Variants in MACROD2 observed in about 807,000 individuals in gnomAD.
The protein encoded by MACROD2 is ADP-ribose glycohydrolase MACROD2.
In MACROD2, 36 loss-of-function variants were observed where a neutral mutation model predicts 70.4. The ratio of observed to expected loss-of-function variants is 0.51; its 90% CI spans 0.39 to 0.68. The LOEUF (loss-of-function observed/expected upper bound fraction) is 0.68. Ranked by LOEUF, MACROD2 falls within the 30% of genes least tolerant of loss-of-function variation. The probability of loss-of-function intolerance (pLI) is 0.00; values close to 1 mark genes in which losing one functional copy is unlikely to be tolerated. For synonymous variants in MACROD2, 172 were observed against 178.8 expected (o/e 0.96, Z 0.30); for missense variants, 496 against 538.4 (o/e 0.92, Z 0.78).
chr20:15,139,419 G>C (rs2076175001), intron 5 of MACROD2, among the ~76,000 whole-genome samples: 1 of 152,092 alleles, frequency 6.6e-6, no homozygotes, highest in Non-Finnish European at 1.5e-5. Context: ...CATTAAATCT[G>C]AAATGGTCTC....
rs115113211 is a variant in MACROD2 at position 14,936,688 on chromosome 20, G to A, written c.418+251729G>A. 7.1e-3 allele frequency among the ~76,000 whole-genome samples: 1,084 copies of A among 151,920 alleles called. 16 individuals carry two copies. The highest frequency in any genetic ancestry group is 0.025 in the African/African-American group (1,028 of 41,440). On this transcript the variant is annotated intron_variant, in intron 5 of 17. Coordinates refer to ENST00000684519, the MANE Select transcript of MACROD2 (RefSeq NM_001351661.2). Reference sequence around the variant, plus strand: ...CAATGGCCCCACTCATGCATGTGAAGGGCCCAGAAACTTCAGGCTAATTGG... The same window carrying A: ...CAATGGCCCCACTCATGCATGTGAAAGGCCCAGAAACTTCAGGCTAATTGG...
chr20:15,096,165 C>T (rs1308662019), intron 5 of MACROD2, among the ~76,000 whole-genome samples: 5 of 151,986 alleles, frequency 3.3e-5, no homozygotes, highest in Non-Finnish European at 5.9e-5. Flanking sequence ...ATGGAGCTTG[C>T]CAGTAGCAGC....
At chr20:14,038,039 T>C (rs1047976844) in intron 2 of MACROD2, among the ~76,000 whole-genome samples, 1 of 152,102 alleles carries the variant, frequency 6.6e-6, no homozygotes, top group Non-Finnish European at 1.5e-5. Flanking sequence ...TCACGCCTAT[T>C]ATCCCAGCAC....
intron 5 of MACROD2, among the ~76,000 whole-genome samples, chr20:14,754,889 A>G (rs2071920161): frequency 6.6e-6 from 1 of 151,326 alleles, no homozygotes; most frequent in Admixed American, 6.6e-5. Context: ...CAACTTGAAC[A>G]AATTTTCTAT....
chr20:16,024,867 TTAACTC>T (rs2067055997), intron 15 of MACROD2, among the ~76,000 whole-genome samples: 3 of 152,234 alleles, frequency 2.0e-5, no homozygotes, highest in African/African-American at 7.2e-5. Context: ...AAGAAAGAAA[TTAACTC>T]TGCTGGGTTT....
intron 5 of MACROD2, among the ~76,000 whole-genome samples, chr20:15,073,237 T>G (rs1449006220): frequency 1.3e-5 from 2 of 152,148 alleles, no homozygotes; most frequent in Non-Finnish European, 2.9e-5. Flanking sequence ...TATCTATATT[T>G]GAAGACTCTT....
At chr20:15,094,322 C>G (rs1348163858) in intron 5 of MACROD2, among the ~76,000 whole-genome samples, 1 of 151,930 alleles carries the variant, frequency 6.6e-6, no homozygotes, top group African/African-American at 2.4e-5. Flanking sequence ...TTTTTTCTTA[C>G]AAAGTAATAA....
chr20:14,892,523 G>GT (rs566033692), intron 5 of MACROD2, among the ~76,000 whole-genome samples: 1 of 152,078 alleles, frequency 6.6e-6, no homozygotes, highest in Admixed American at 6.5e-5. Context: ...CTGGAGAATT[G>GT]TTTTTAATTG....
At chr20:14,013,761 C>A (rs571256361) in intron 2 of MACROD2, among the ~76,000 whole-genome samples, 9 of 136,132 alleles carry the variant, frequency 6.6e-5, no homozygotes. Flanking sequence ...TGTCTCACTG[C>A]AACCTCCGCC....
At chr20:14,257,487 A>G (rs753277034) in intron 3 of MACROD2, among the ~76,000 whole-genome samples, 26 of 152,288 alleles carry the variant, frequency 1.7e-4, no homozygotes, top group Non-Finnish European at 3.1e-4. Flanking sequence ...AAAGTATAGT[A>G]TAGCTTTATG....
chr20:15,980,758 C>A (rs894408303), intron 13 of MACROD2, among the ~76,000 whole-genome samples: 1 of 152,154 alleles, frequency 6.6e-6, no homozygotes, highest in South Asian at 2.1e-4. Context: ...TTCTTATAGA[C>A]TTCTCTTTTA....
chr20:14,249,064 T>A (rs756529677), intron 3 of MACROD2, among the ~76,000 whole-genome samples: 25 of 151,862 alleles, frequency 1.6e-4, no homozygotes, highest in African/African-American at 5.8e-4. Flanking sequence ...TCAGAAACAA[T>A]TAATGGGTTG....
intron 4 of MACROD2, among the ~76,000 whole-genome samples, chr20:14,660,326 A>G (rs1006281873): frequency 7.9e-5 from 12 of 152,234 alleles, no homozygotes; most frequent in Non-Finnish European, 1.0e-4. Flanking sequence ...TAGTCAAACT[A>G]TAAGTAACAG....
intron 12 of MACROD2, among the ~76,000 whole-genome samples, 167 bp downstream of exon 12, chr20:15,937,711 C>A (rs1234501630): frequency 7.0e-6 from 1 of 143,692 alleles, no homozygotes; most frequent in African/African-American, 2.6e-5. Flanking sequence ...TATTGCATAC[C>A]TAGCCTGTAT....
chr20:14,029,620 G>A (rs2053222198), intron 2 of MACROD2, among the ~76,000 whole-genome samples: 1 of 152,136 alleles, frequency 6.6e-6, no homozygotes, highest in East Asian at 1.9e-4. Context: ...AATTACTTCT[G>A]AATGAAGTGG....
intron 3 of MACROD2, among the ~76,000 whole-genome samples, chr20:14,349,191 C>CT (rs5840611): frequency 5.3e-4 from 73 of 136,776 alleles, no homozygotes; most frequent in South Asian, 2.6e-3. Context: ...TATATACAAA[C>CT]TTTTTTTTTT....
At chr20:15,885,718 C>A (rs1226578930) in intron 9 of MACROD2, 46 bp from the exon 10 acceptor site, 6 of 1,406,358 alleles carry the variant, frequency 4.3e-6, no homozygotes, top group Non-Finnish European at 5.6e-6. Flanking sequence ...CTTGTGTTTC[C>A]CACTTTCATA....
intron 8 of MACROD2, among the ~76,000 whole-genome samples, chr20:15,643,151 G>T (rs1478217855): frequency 6.6e-6 from 1 of 152,090 alleles, no homozygotes; most frequent in East Asian, 1.9e-4. Flanking sequence ...ATATTTATGG[G>T]TACCTCTTCC....
intron 15 of MACROD2, among the ~76,000 whole-genome samples, chr20:15,989,723 A>G (rs989485213): frequency 6.6e-6 from 1 of 152,166 alleles, no homozygotes; most frequent in African/African-American, 2.4e-5. Context: ...TGTAAACAAA[A>G]CAAATGAGTA....
Sources: allele counts gnomAD v4.1 joint callset (sites outside exome capture counted in the v4.1 genomes callset), GRCh38; gene constraint gnomAD v4.1.1; transcripts MANE v1.5; gene names NCBI Gene and HGNC (gene_info 2026-07-23, HGNC 2026-07-21).